The following PSME4 variants were observed in gnomAD, a reference collection of about 807,000 sequenced individuals.
PSME4 encodes the protein proteasome activator complex subunit 4.
In PSME4, 89 loss-of-function variants were observed where a neutral mutation model predicts 253.9. That is an observed-to-expected ratio of 0.35 (90% CI 0.30 to 0.42). The LOEUF is 0.42. PSME4 is among the 10% of genes least tolerant of loss of function. The pLI is 1.00. For synonymous variants in PSME4, 851 were observed against 759.2 expected (o/e 1.12, Z -1.99); for missense variants, 2,014 against 2,195.2 (o/e 0.92, Z 1.65).
rs1041625193 is a variant in PSME4 at position 53,954,403 on chromosome 2, G to C, written c.243-5120C>G. On this transcript the variant is annotated intron_variant, in intron 1 of 46. Transcript: ENST00000404125. The stretch of plus-strand genomic sequence containing the variant: ...GCCTGAAATCCCAGCATTTTGGAAG[G>C]CAGAAGCAGGAGAATCACTTGAATC... Among the ~76,000 whole-genome samples, 4 of 152,298 alleles carry C rather than the reference G, an allele frequency of 2.6e-5. No individual in the cohort carries two copies. The East Asian group carries it at 7.7e-4, about 29-fold the overall frequency.
chr2:53,919,327 C>A, intron 19 of PSME4, 81 bp from the exon 20 acceptor site: 1 of 1,441,394 alleles, frequency 6.9e-7, no homozygotes, highest in Non-Finnish European at 9.1e-7. Flanking sequence ...GAAGTTTTCT[C>A]ACGTGGGGAT....
intron 1 of PSME4, among the ~76,000 whole-genome samples, chr2:53,959,875 G>A (rs371304279): frequency 3.8e-4 from 58 of 152,210 alleles, no homozygotes; most frequent in African/African-American, 1.3e-3. Flanking sequence ...CCAACAACTC[G>A]CAATCAAATA....
intron 29 of PSME4, 48 bp from the exon 30 acceptor site, chr2:53,898,402 C>T (rs1214416075): frequency 1.5e-6 from 2 of 1,348,216 alleles, no homozygotes; most frequent in African/African-American, 3.0e-5. Flanking sequence ...CTAAAATGAA[C>T]ATCAAAAATA....
At chr2:53,877,188 C>A (rs1205633262) in intron 41 of PSME4, among the ~76,000 whole-genome samples, 1 of 141,370 alleles carries the variant, frequency 7.1e-6, no homozygotes, top group African/African-American at 2.7e-5. Flanking sequence ...CTCCGGGGTG[C>A]TAAGTTGGAG....
chr2:53,891,404 T>C (rs1679898933), intron 36 of PSME4, among the ~76,000 whole-genome samples: 1 of 152,178 alleles, frequency 6.6e-6, no homozygotes. Flanking sequence ...CTACCCCTGC[T>C]GCAGGTCCAT....
Position 53,887,464 on chromosome 2 carries a change from C to T in PSME4, c.4524G>A (p.Val1508=), listed in dbSNP as rs879319260. Residue 1508 remains valine (V), a synonymous_variant, in exon 40 of 47, where the codon GTG becomes GTA. Coordinates refer to ENST00000404125, the MANE Select transcript of PSME4 (RefSeq NM_014614.3). ...YKNVRERIGS[V]LTYIFMIDVS... is the part of the protein sequence containing the mutation. ...CATCTATCATGAATATGTAGGTCAG[C>T]ACACTGCAAAATAAAATACTTAATA... 1 of 1,608,856 alleles carries T rather than the reference C, an allele frequency of 6.2e-7. No individual in the cohort carries two copies. The highest frequency in any genetic ancestry group is 2.2e-5 in the East Asian group (1 of 44,834).
intron 1 of PSME4, among the ~76,000 whole-genome samples, chr2:53,968,917 T>A (rs1411381914): frequency 6.6e-6 from 1 of 152,194 alleles, no homozygotes; most frequent in Non-Finnish European, 1.5e-5. Flanking sequence ...GATTCTAGGT[T>A]TATAAATCCA....
In PSME4 at chr2:53,868,004, T is replaced by A. The variant is rs554973713; in HGVS notation, c.5264-1124A>T. Among the ~76,000 whole-genome samples, 4 of 152,282 alleles carry A rather than the reference T, an allele frequency of 2.6e-5. No individual in the cohort carries two copies. In the East Asian group the frequency reaches 7.7e-4, roughly 29 times the overall value. ...CAGTTCCTCAATAAAGGTGTGTGTATTCACATGTTTTAAAGCATATTACAT... is the reference window on the plus strand; with the variant it reads ...CAGTTCCTCAATAAAGGTGTGTGTAATCACATGTTTTAAAGCATATTACAT... On this transcript the variant is annotated intron_variant, in intron 44 of 46. Coordinates refer to ENST00000404125, the MANE Select transcript of PSME4 (RefSeq NM_014614.3).
chr2:53,921,744 TG>T (rs1222495918), intron 17 of PSME4, among the ~76,000 whole-genome samples: 1 of 137,510 alleles, frequency 7.3e-6, no homozygotes, highest in East Asian at 2.2e-4. Flanking sequence ...GGCGGGCGCC[TG>T]TAGTCCCAGC....
intron 1 of PSME4, among the ~76,000 whole-genome samples, chr2:53,951,321 TC>T (rs1165108469): frequency 1.3e-5 from 2 of 152,122 alleles, no homozygotes; most frequent in South Asian, 4.1e-4. Flanking sequence ...GACCTTGAGA[TC>T]CCCCCTGCCT....
At chr2:53,866,354 A>G in intron 45 of PSME4, 131 bp from the exon 46 acceptor site, 2 of 974,764 alleles carry the variant, frequency 2.1e-6, no homozygotes, top group Non-Finnish European at 3.0e-6. Context: ...ACAAAACCAA[A>G]AAGCCAATGA....
intron 41 of PSME4, 83 bp downstream of exon 41, chr2:53,885,607 A>G (rs1393361542): frequency 1.0e-6 from 1 of 990,570 alleles, no homozygotes; most frequent in East Asian, 2.5e-5. Context: ...CACTGTCTGA[A>G]GAACTTCAAC....
At chr2:53,922,033 G>A (rs183994177) in intron 17 of PSME4, among the ~76,000 whole-genome samples, 250 of 151,492 alleles carry the variant, frequency 1.7e-3, no homozygotes, top group African/African-American at 4.8e-3. Flanking sequence ...TTAGCCGGGC[G>A]TGGTGGCGGA....
intron 1 of PSME4, among the ~76,000 whole-genome samples, chr2:53,962,303 A>G (rs2104489203): frequency 6.6e-6 from 1 of 152,240 alleles, no homozygotes; most frequent in East Asian, 1.9e-4. Context: ...ATTCTCTAAA[A>G]ATAAGTCTCA....
In PSME4 at chr2:53,888,731, C is replaced by A; in HGVS notation, c.4378G>T (p.Val1460Leu). 1 of 1,610,148 alleles carries A rather than the reference C, an allele frequency of 6.2e-7. No individual in the cohort carries two copies. The highest frequency in any genetic ancestry group is 1.3e-5 in the African/African-American group (1 of 74,992). ...SPLSGEGGSFVDACRLYVLQG... is the reference protein window; with the variant it reads ...SPLSGEGGSFLDACRLYVLQG... ...TTTAAAAAAATTTACCATGCATCTACAAAGGATCCTCCTTCACCACTCAAT... is the reference window on the plus strand; with the variant it reads ...TTTAAAAAAATTTACCATGCATCTAAAAAGGATCCTCCTTCACCACTCAAT... The change falls in exon 38 of 47, where the codon GTA becomes TTA. Residue 1460 changes from valine (V) to leucine (L), a missense_variant. Val to Leu is a conservative substitution (Grantham distance 32). Coordinates refer to ENST00000404125, the MANE Select transcript of PSME4 (RefSeq NM_014614.3).
chr2:53,942,797 T>C (rs183763998), intron 3 of PSME4, among the ~76,000 whole-genome samples: 100 of 152,336 alleles, frequency 6.6e-4, no homozygotes, highest in East Asian at 7.7e-4. Context: ...TAATTTATGA[T>C]TTAGGAAATC....
intron 21 of PSME4, among the ~76,000 whole-genome samples, chr2:53,909,492 T>C (rs1262782228): frequency 2.0e-5 from 3 of 152,284 alleles, no homozygotes; most frequent in African/African-American, 7.2e-5. Context: ...CATTATGATA[T>C]ATAAAAGCCT....
chr2:53,932,533 T>G, intron 9 of PSME4, 135 bp downstream of exon 9: 2 of 704,946 alleles, frequency 2.8e-6, no homozygotes, highest in East Asian at 2.7e-5. Context: ...TAATTTAATT[T>G]AAATGTAAGC....
chr2:53,875,811 A>G, intron 41 of PSME4, 56 bp from the exon 42 acceptor site: 1 of 1,518,324 alleles, frequency 6.6e-7, no homozygotes, highest in Non-Finnish European at 9.0e-7. Context: ...ATAAGTACAA[A>G]GGCATCCTAC....
Sources: allele counts gnomAD v4.1 joint callset (sites outside exome capture counted in the v4.1 genomes callset), GRCh38; gene constraint gnomAD v4.1.1; transcripts MANE v1.5; gene names NCBI Gene and HGNC (gene_info 2026-07-23, HGNC 2026-07-21).